The following SPTBN1 variants were observed in gnomAD, a reference collection of about 807,000 sequenced individuals.
SPTBN1 encodes the protein spectrin beta chain, non-erythrocytic 1.
SPTBN1 carries 32 observed loss-of-function variants against 266.4 expected under a neutral mutation model. The ratio of observed to expected loss-of-function variants is 0.12; its 90% CI spans 0.09 to 0.16. SPTBN1 has a LOEUF of 0.16. SPTBN1 is among the 10% of genes least tolerant of loss of function. The pLI is 1.00. For missense variants in SPTBN1, 2,296 were observed against 3,067.1 expected (o/e 0.75, Z 5.94); for synonymous variants, 1,336 against 1,162.2 (o/e 1.15, Z -3.04).
chr2:54,670,356 C>T lies in SPTBN1; in HGVS notation c.*1787C>T, dbSNP rs1286199086. ...ACTCCATGCCACTTGCATAAAGCAGCAATGGATATTAGTATTATGGATGTC... is the reference window on the plus strand; with the variant it reads ...ACTCCATGCCACTTGCATAAAGCAGTAATGGATATTAGTATTATGGATGTC... On this transcript the variant is annotated 3_prime_UTR_variant, in exon 36 of 36. Transcript: ENST00000356805. 4.7e-6 allele frequency: 1 copy of T among 215,014 alleles called. No homozygotes were observed. The highest frequency in any genetic ancestry group is 9.1e-6 in the Non-Finnish European group (1 of 109,536). 13.3% of individuals were successfully genotyped at this position (215,014 alleles called of 1,614,324 possible). A position where few individuals can be genotyped will look rare whatever the true frequency, so the allele number is the denominator to read the frequency against.
At chr2:54,593,823 C>T (rs1416134151) in intron 2 of SPTBN1, among the ~76,000 whole-genome samples, 18 of 64,788 alleles carry the variant, frequency 2.8e-4, no homozygotes, top group Middle Eastern at 0.016. Flanking sequence ...CATGGAAACA[C>T]TTTTTTTTTT....
intron 2 of SPTBN1, among the ~76,000 whole-genome samples, chr2:54,549,625 A>T (rs1300240223): frequency 6.6e-6 from 1 of 152,214 alleles, no homozygotes; most frequent in Non-Finnish European, 1.5e-5. Flanking sequence ...ACAAGAAGAG[A>T]TAAGCAATGC....
intron 1 of SPTBN1, 129 bp from the exon 2 acceptor site, chr2:54,526,243 A>C (rs1670807455): frequency 1.4e-6 from 1 of 695,324 alleles, no homozygotes; most frequent in South Asian, 2.3e-5. Flanking sequence ...ACCTAAAACC[A>C]GCATTGCTCC....
At chr2:54,560,130 G>C (rs1376862743) in intron 2 of SPTBN1, among the ~76,000 whole-genome samples, 3 of 147,920 alleles carry the variant, frequency 2.0e-5, no homozygotes, top group African/African-American at 7.6e-5. Context: ...AGTCAAATTT[G>C]CTTTTTTGAA....
At chr2:54,620,603 C>A (rs1332765689) in intron 7 of SPTBN1, among the ~76,000 whole-genome samples, 2 of 152,134 alleles carry the variant, frequency 1.3e-5, no homozygotes, top group African/African-American at 4.8e-5. Flanking sequence ...GAGCTATAAT[C>A]ATGTCACGGC....
intron 2 of SPTBN1, among the ~76,000 whole-genome samples, chr2:54,583,286 T>C (rs1675071021): frequency 6.6e-6 from 1 of 152,202 alleles, no homozygotes; most frequent in African/African-American, 2.4e-5. Flanking sequence ...TTAATAAGGC[T>C]GGTGTCAGTA....
chr2:54,501,154 A>G (rs920655289), intron 1 of SPTBN1, among the ~76,000 whole-genome samples: 14 of 152,020 alleles, frequency 9.2e-5, no homozygotes, highest in African/African-American at 3.4e-4. Flanking sequence ...AGAGAGCAGG[A>G]CTCTGGGGTC....
rs887435607 is a variant in SPTBN1, at chr2:54,460,069, G to A, written c.-48+3551G>A. On this transcript the variant is annotated intron_variant, in intron 1 of 35. Coordinates refer to ENST00000356805, the MANE Select transcript of SPTBN1 (RefSeq NM_003128.3). ...TAATGTCCTTTGCTATCATAGTGAG[G>A]TTCACGGACCTTCAACATTAGAATC... 2.6e-5 allele frequency among the ~76,000 whole-genome samples: 4 copies of A among 152,262 alleles called. No homozygotes were observed. In the South Asian group the frequency reaches 8.3e-4, roughly 32 times the overall value.
chr2:54,492,730 T>C (rs1668757179), intron 1 of SPTBN1, among the ~76,000 whole-genome samples: 4 of 152,238 alleles, frequency 2.6e-5, no homozygotes. Flanking sequence ...CCCAGCCTGA[T>C]GTAGAAATGT....
intron 1 of SPTBN1, among the ~76,000 whole-genome samples, chr2:54,491,554 C>A (rs1668683007): frequency 6.6e-6 from 1 of 152,032 alleles, no homozygotes; most frequent in African/African-American, 2.4e-5. Flanking sequence ...CATTTAAATT[C>A]TGTGGTTCAA....
intron 2 of SPTBN1, among the ~76,000 whole-genome samples, chr2:54,579,639 T>G (rs555261199): frequency 7.3e-5 from 11 of 151,116 alleles, no homozygotes; most frequent in Non-Finnish European, 1.5e-4. Flanking sequence ...TGGGAAGATA[T>G]ATTGCTGCAT....
At chr2:54,641,295 G>A (rs75276748) in intron 18 of SPTBN1, among the ~76,000 whole-genome samples, 3 of 151,158 alleles carry the variant, frequency 2.0e-5, no homozygotes, top group Non-Finnish European at 3.0e-5. Context: ...TATGTAGCGC[G>A]CTCTCTCTCT....
In SPTBN1 at chr2:54,597,128, A is replaced by G. The variant is rs145684870; in HGVS notation, c.149-1964A>G. On this transcript the variant is annotated intron_variant, in intron 2 of 35. Transcript: ENST00000356805. ...ACATTTTCTGACTCCAGTATAACGC[A>G]TAAAGGATTTTATAATTCACAAAAA... 1.4e-3 allele frequency among the ~76,000 whole-genome samples: 212 copies of G among 152,372 alleles called. 4 individuals are homozygous for G. In the South Asian group the frequency reaches 0.036, roughly 26 times the overall value.
intron 1 of SPTBN1, among the ~76,000 whole-genome samples, chr2:54,494,427 CA>C (rs892760372): frequency 6.6e-6 from 1 of 151,584 alleles, no homozygotes; most frequent in South Asian, 2.1e-4. Context: ...CATATTCGTA[CA>C]AAAAAAATAC....
intron 1 of SPTBN1, among the ~76,000 whole-genome samples, chr2:54,502,762 T>G (rs898477332): frequency 6.6e-6 from 1 of 152,170 alleles, no homozygotes; most frequent in African/African-American, 2.4e-5. Flanking sequence ...TTATTCCTCT[T>G]TTGTAAAGCC....
intron 2 of SPTBN1, among the ~76,000 whole-genome samples, chr2:54,588,762 T>C (rs564129218): frequency 6.6e-6 from 1 of 152,318 alleles, no homozygotes; most frequent in Non-Finnish European, 1.5e-5. Context: ...GGATATGACT[T>C]CCTGTATGTG....
At chr2:54,504,839 G>A (rs1669470246) in intron 1 of SPTBN1, among the ~76,000 whole-genome samples, 1 of 151,960 alleles carries the variant, frequency 6.6e-6, no homozygotes, top group Admixed American at 6.6e-5. Context: ...TAAAGTAATT[G>A]GTTTAGTGAT....
intron 2 of SPTBN1, among the ~76,000 whole-genome samples, chr2:54,585,855 G>C (rs566722643): frequency 1.3e-5 from 2 of 152,132 alleles, no homozygotes; most frequent in Non-Finnish European, 2.9e-5. Context: ...GTTCTGCCTG[G>C]AATAATTTTT....
At chr2:54,601,568 C>T (rs1676500674) in intron 3 of SPTBN1, among the ~76,000 whole-genome samples, 1 of 152,122 alleles carries the variant, frequency 6.6e-6, no homozygotes, top group African/African-American at 2.4e-5. Flanking sequence ...ATGAATGTCC[C>T]AGCTAAGTGT....
Sources: gnomAD v4.1 joint callset for allele counts (sites outside exome capture counted in the v4.1 genomes callset) on GRCh38, gnomAD v4.1.1 for gene constraint, MANE v1.5 for transcripts, NCBI Gene and HGNC (gene_info 2026-07-23, HGNC 2026-07-21) for gene names.